SEMA3A: variants seen among roughly 807,000 people sequenced by gnomAD.
SEMA3A encodes the protein semaphorin 3A, also known as semaphorin-3A.
SEMA3A carries 29 observed loss-of-function variants against 97.9 expected under a neutral mutation model. The observed-to-expected ratio is 0.30, with a 90% CI of 0.22 to 0.40. The LOEUF (loss-of-function observed/expected upper bound fraction) is 0.40. Ranked by LOEUF, SEMA3A falls within the 10% of genes least tolerant of loss-of-function variation. The pLI is 1.00. For missense variants in SEMA3A, 763 were observed against 951.3 expected (o/e 0.80, Z 2.60); for synonymous variants, 321 against 323.7 (o/e 0.99, Z 0.09).
At chr7:84,032,321 T>A (rs906986376) in intron 6 of SEMA3A, among the ~76,000 whole-genome samples, 10 of 152,184 alleles carry the variant, frequency 6.6e-5, no homozygotes, top group Non-Finnish European at 1.2e-4. Context: ...ATGGCAACTT[T>A]TTAATAACAT....
At position 83,961,242 on chromosome 7, in the gene SEMA3A, A is replaced by G; in HGVS notation, c.*129T>C. 1.3e-6 allele frequency: 1 copy of G among 756,472 alleles called. No individual in the cohort carries two copies. The highest frequency in any genetic ancestry group is 2.2e-6 in the Non-Finnish European group (1 of 447,884). 46.9% of individuals were successfully genotyped at this position (756,472 alleles called of 1,614,324 possible). On this transcript the variant is annotated 3_prime_UTR_variant, in exon 17 of 17. Transcript: ENST00000265362. ...ATTTAATTTATAATTGGTGGAACTC[A>G]GCTGAATTTCCCACCATTGTAAACA...
chr7:84,360,729 G>C (rs1453889505), intron 2 of SEMA3A, among the ~76,000 whole-genome samples: 2 of 152,006 alleles, frequency 1.3e-5, no homozygotes, highest in Non-Finnish European at 2.9e-5. Context: ...AAGGGGAATA[G>C]AGTAAACCAT....
chr7:84,150,674 C>T (rs1796620620), intron 1 of SEMA3A, among the ~76,000 whole-genome samples: 1 of 152,112 alleles, frequency 6.6e-6, no homozygotes, highest in Non-Finnish European at 1.5e-5. Context: ...GGGGCGCCCG[C>T]CATTGCCCAG....
At chr7:84,154,405 C>T (rs73380837) in intron 1 of SEMA3A, among the ~76,000 whole-genome samples, 13,627 of 152,012 alleles carry the variant, frequency 0.09, 1,146 homozygotes, top group African/African-American at 0.21. Context: ...ACGCCGGGTA[C>T]GATGGCTCAC....
intron 6 of SEMA3A, among the ~76,000 whole-genome samples, chr7:84,030,987 G>GCT (rs1791725553): frequency 1.1e-5 from 1 of 95,022 alleles, no homozygotes; most frequent in African/African-American, 4.3e-5. Flanking sequence ...TTTTGGTCAA[G>GCT]TTTTTTTTTT....
chr7:84,282,183 C>T (rs554906954), intron 3 of SEMA3A, among the ~76,000 whole-genome samples: 8 of 152,238 alleles, frequency 5.3e-5, no homozygotes, highest in African/African-American at 1.9e-4. Context: ...ATTAGCTCCA[C>T]AGTAAATTCA....
At chr7:84,328,507 CT>C (rs767638233) in intron 2 of SEMA3A, among the ~76,000 whole-genome samples, 20 of 151,924 alleles carry the variant, frequency 1.3e-4, no homozygotes, top group Non-Finnish European at 2.4e-4. Flanking sequence ...AGAAAAATAT[CT>C]TTGAAAAACG....
chr7:84,474,017 C>T (rs1806217653), intron 1 of SEMA3A, among the ~76,000 whole-genome samples: 1 of 152,138 alleles, frequency 6.6e-6, no homozygotes, highest in Non-Finnish European at 1.5e-5. Flanking sequence ...TTTTCCATCA[C>T]TGCAACAATG....
At chr7:84,186,537 A>T (rs1412640349) in intron 1 of SEMA3A, among the ~76,000 whole-genome samples, 1 of 152,190 alleles carries the variant, frequency 6.6e-6, no homozygotes, top group Admixed American at 6.5e-5. Context: ...ATGAAGATTC[A>T]TAAGCACTTT....
At chr7:84,320,036 A>G (rs1310602820) in intron 2 of SEMA3A, among the ~76,000 whole-genome samples, 2 of 152,138 alleles carry the variant, frequency 1.3e-5, no homozygotes, top group African/African-American at 2.4e-5. Flanking sequence ...AACTGATAGC[A>G]AGGACTTCAG....
At chr7:84,057,047 C>G (rs983099069) in intron 5 of SEMA3A, among the ~76,000 whole-genome samples, 22 of 152,222 alleles carry the variant, frequency 1.4e-4, no homozygotes, top group East Asian at 5.8e-4. Flanking sequence ...TCAATTGTAT[C>G]TAATTAACTT....
intron 1 of SEMA3A, among the ~76,000 whole-genome samples, chr7:84,445,933 T>G (rs1562950749): frequency 1.3e-5 from 2 of 151,444 alleles, no homozygotes; most frequent in Non-Finnish European, 2.9e-5. Flanking sequence ...TCTTAAAATA[T>G]CAACAAAATG....
chr7:84,092,537 A>G (rs753805370), intron 4 of SEMA3A, among the ~76,000 whole-genome samples: 1 of 152,092 alleles, frequency 6.6e-6, no homozygotes, highest in Non-Finnish European at 1.5e-5. Flanking sequence ...CTTTTTTTCA[A>G]TGTGATAAAT....
chr7:84,361,735 G>T (rs1014533495), intron 2 of SEMA3A, among the ~76,000 whole-genome samples: 1 of 151,942 alleles, frequency 6.6e-6, no homozygotes, highest in African/African-American at 2.4e-5. Flanking sequence ...AAAGTCTATT[G>T]CTAATTCATA....
At chr7:84,331,954 A>T (rs1395255224) in intron 2 of SEMA3A, among the ~76,000 whole-genome samples, 1 of 152,164 alleles carries the variant, frequency 6.6e-6, no homozygotes, top group Non-Finnish European at 1.5e-5. Flanking sequence ...GCACAGTGGA[A>T]AAATATAATT....
chr7:84,355,328 G>T (rs2116040005), intron 2 of SEMA3A, among the ~76,000 whole-genome samples: 1 of 151,924 alleles, frequency 6.6e-6, no homozygotes, highest in South Asian at 2.1e-4. Flanking sequence ...CCTCCTCTAA[G>T]CCTTGGACTA....
intron 3 of SEMA3A, among the ~76,000 whole-genome samples, chr7:84,234,524 A>C (rs1346640888): frequency 6.6e-6 from 1 of 152,058 alleles, no homozygotes; most frequent in Non-Finnish European, 1.5e-5. Context: ...ATCTGCTGTG[A>C]TCACAATATT....
chr7:84,412,082 C>A (rs369440729), intron 1 of SEMA3A, among the ~76,000 whole-genome samples: 15 of 152,096 alleles, frequency 9.9e-5, no homozygotes, highest in East Asian at 9.6e-4. Context: ...CTCCTAGATG[C>A]CATTTATGAC....
intron 2 of SEMA3A, among the ~76,000 whole-genome samples, chr7:84,355,253 A>G (rs1007372667): frequency 1.3e-5 from 2 of 151,890 alleles, no homozygotes; most frequent in African/African-American, 2.4e-5. Context: ...CATTCATTCA[A>G]TAAACTAGAG....
Sources: allele counts gnomAD v4.1 joint callset (sites outside exome capture counted in the v4.1 genomes callset), GRCh38; gene constraint gnomAD v4.1.1; transcripts MANE v1.5; gene names NCBI Gene and HGNC (gene_info 2026-07-23, HGNC 2026-07-21).